The following DENND11 variants were observed in gnomAD, a reference collection of about 807,000 sequenced individuals.
DENND11 encodes the protein DENN domain-containing protein 11.
Under a neutral mutation model 49.2 loss-of-function variants are expected in DENND11, and 34 were observed. That is an observed-to-expected ratio of 0.69 (90% CI 0.53 to 0.92). The LOEUF (loss-of-function observed/expected upper bound fraction) is 0.92, where lower values mean the gene tolerates loss of function less well. Ranked by LOEUF, DENND11 falls within the 40% of genes least tolerant of loss-of-function variation. The pLI, the probability that DENND11 is intolerant of heterozygous loss-of-function variation, is 0.00. For synonymous variants in DENND11, 238 were observed against 230.3 expected (o/e 1.03, Z -0.30); for missense variants, 475 against 581.6 (o/e 0.82, Z 1.88).
chr7:141,677,201 G>A (rs947676858), intron 3 of DENND11, among the ~76,000 whole-genome samples: 1 of 151,836 alleles, frequency 6.6e-6, no homozygotes, highest in African/African-American at 2.4e-5. Flanking sequence ...TGAGGTGGGC[G>A]GATCGCTTGG....
rs902719382 is a variant in DENND11 at position 141,695,292 on chromosome 7, C to T, written c.268+6594G>A. The stretch of plus-strand genomic sequence containing the variant: ...GAAAGACATACAGGTTTTCACTGCA[C>T]TATTCTTTCAACTTTTCAAAACATT... On this transcript the variant is annotated intron_variant, in intron 1 of 8. Transcript: ENST00000536163. 5.4e-4 allele frequency among the ~76,000 whole-genome samples: 82 copies of T among 152,120 alleles called. 1 individual carries two copies. The highest frequency in any genetic ancestry group is 2.0e-3 in the African/African-American group (82 of 41,414).
In DENND11 at chr7:141,658,375, TCTCCCCCTAC is replaced by T. The variant is rs1324101062; in HGVS notation, c.*4271_*4280del. ...AGTAAACGGAGCCCTTAACTCCTCC[TCTCCCCCTAC>T]CTGAATCACAAAAGGGTTTTCCTGA... On this transcript the variant is annotated 3_prime_UTR_variant, in exon 9 of 9. Coordinates refer to ENST00000536163, the MANE Select transcript of DENND11 (RefSeq NM_001080392.2). 2 of 152,168 alleles carry T rather than the reference TCTCCCCCTAC, an allele frequency of 1.3e-5. No individual in the cohort carries two copies. Among genetic ancestry groups the T allele is most frequent in the Non-Finnish European group, 2.9e-5 (2 of 68,044 alleles). 9.4% of individuals were successfully genotyped at this position (152,168 alleles called of 1,614,324 possible).
In DENND11 at chr7:141,686,676, T is replaced by C. The variant is rs765466571; in HGVS notation, c.269-18A>G. On this transcript the variant is annotated intron_variant, in intron 1 of 8. Coordinates refer to ENST00000536163, the MANE Select transcript of DENND11 (RefSeq NM_001080392.2). Reference sequence around the variant, plus strand: ...CATGTTTCCTGCAGGAAAAGGAAGATGCAAGTTAAAAGAAACAACATCATT... The same window carrying C: ...CATGTTTCCTGCAGGAAAAGGAAGACGCAAGTTAAAAGAAACAACATCATT... The C allele has an allele frequency of 6.4e-6, 10 of 1,569,924 alleles. No homozygotes were observed. Among genetic ancestry groups the C allele is most frequent in the African/African-American group, 1.3e-5 (1 of 74,152 alleles).
chr7:141,666,976 G>A (rs1166900014), intron 4 of DENND11, among the ~76,000 whole-genome samples: 1 of 152,178 alleles, frequency 6.6e-6, no homozygotes, highest in Admixed American at 6.5e-5. Context: ...CCAGGTTGGA[G>A]TGCTGTGGCG....
chr7:141,667,200 C>T (rs772352267), intron 4 of DENND11, among the ~76,000 whole-genome samples: 15 of 152,126 alleles, frequency 9.9e-5, no homozygotes, highest in Non-Finnish European at 1.8e-4. Flanking sequence ...GGATTACAGG[C>T]GTGAGCCACC....
rs1797894203 is a variant in DENND11, at chr7:141,666,398, G to A, written c.709C>T (p.Gln237Ter). 6.2e-7 allele frequency: 1 copy of A among 1,608,594 alleles called. No homozygotes were observed. The highest frequency in any genetic ancestry group is 8.5e-7 in the Non-Finnish European group (1 of 1,175,776). ...KITHPAGCMS[Q>*]FIKFFGEQIL... ...TGTTCTCCAAAGAACTTTATAAACT[G>A]AGACATGCAGCCAGCTGGGTGTGTG... The change falls in exon 5 of 9, where the codon CAG becomes TAG. Residue 237 changes from glutamine (Q) to a stop codon, truncating the protein, a stop_gained. Transcript: ENST00000536163. LOFTEE classifies it high-confidence loss of function.
At chr7:141,695,217 G>A (rs1563005831) in intron 1 of DENND11, among the ~76,000 whole-genome samples, 1 of 152,064 alleles carries the variant, frequency 6.6e-6, no homozygotes, top group East Asian at 1.9e-4. Context: ...ATATGACTAT[G>A]TAAGAATAAA....
chr7:141,693,568 T>C (rs1798361222), intron 1 of DENND11, among the ~76,000 whole-genome samples: 1 of 152,120 alleles, frequency 6.6e-6, no homozygotes, highest in South Asian at 2.1e-4. Flanking sequence ...TTATTCACAA[T>C]GGCCCAAAAC....
At chr7:141,689,905 C>T (rs998731435) in intron 1 of DENND11, among the ~76,000 whole-genome samples, 3 of 152,230 alleles carry the variant, frequency 2.0e-5, no homozygotes, top group African/African-American at 7.2e-5. Context: ...ACCTGCTTAA[C>T]TGGTGATGCA....
chr7:141,701,746 C>T (rs752233722), intron 1 of DENND11, 140 bp downstream of exon 1: 3 of 701,318 alleles, frequency 4.3e-6, no homozygotes, highest in Non-Finnish European at 3.7e-6. Flanking sequence ...TTCCCCAAGC[C>T]CGGGAGCCCG....
At chr7:141,676,757 C>T (rs1798065041) in intron 3 of DENND11, among the ~76,000 whole-genome samples, 1 of 152,160 alleles carries the variant, frequency 6.6e-6, no homozygotes, top group South Asian at 2.1e-4. Context: ...AGTTAGTCTT[C>T]AAAGATGATG....
chr7:141,663,169 C>G (rs1015259711), intron 8 of DENND11: 1 of 249,630 alleles, frequency 4.0e-6, no homozygotes, highest in Non-Finnish European at 7.6e-6. Flanking sequence ...CCAAACACTG[C>G]TTTTCTCTCT....
At position 141,656,945 on chromosome 7, in the gene DENND11, G is replaced by C. The variant is rs550316646; in HGVS notation, c.*5711C>G. The C allele has an allele frequency of 6.5e-6, 1 of 152,964 alleles. No individual in the cohort carries two copies. The highest frequency in any genetic ancestry group is 1.9e-4 in the East Asian group (1 of 5,184). 9.5% of individuals were successfully genotyped at this position (152,964 alleles called of 1,614,324 possible). ...CTTAAAATTACCACCACTGGAAACA[G>C]AGAGAGAGCACGGCATACCTGGGCA... On this transcript the variant is annotated 3_prime_UTR_variant, in exon 9 of 9. Coordinates refer to ENST00000536163, the MANE Select transcript of DENND11 (RefSeq NM_001080392.2).
chr7:141,700,365 C>G (rs1798488611), intron 1 of DENND11, among the ~76,000 whole-genome samples: 1 of 151,024 alleles, frequency 6.6e-6, no homozygotes, highest in Non-Finnish European at 1.5e-5. Flanking sequence ...TTTCAAACTA[C>G]TGGTATCTAG....
Position 141,662,030 on chromosome 7 carries a change from T to G in DENND11, c.*626A>C, listed in dbSNP as rs1797803917. 1 of 152,224 alleles carries G rather than the reference T, an allele frequency of 6.6e-6. No homozygotes were observed. The highest frequency in any genetic ancestry group is 2.4e-5 in the African/African-American group (1 of 41,462). 9.4% of individuals were successfully genotyped at this position (152,224 alleles called of 1,614,324 possible). On this transcript the variant is annotated 3_prime_UTR_variant, in exon 9 of 9. Transcript: ENST00000536163. ...AGGCTTCATTCTATAATTTTAGTTT[T>G]CAGCTCACTGATAAGCAACCTCTTT...
chr7:141,688,803 G>GAA (rs1798283161), intron 1 of DENND11, among the ~76,000 whole-genome samples: 1 of 152,170 alleles, frequency 6.6e-6, no homozygotes, highest in African/African-American at 2.4e-5. Flanking sequence ...TCCCTGCCCT[G>GAA]CCACAGGGTG....
In DENND11 at chr7:141,659,356, T is replaced by C. The variant is rs1474318231; in HGVS notation, c.*3300A>G. On this transcript the variant is annotated 3_prime_UTR_variant, in exon 9 of 9. Transcript: ENST00000536163. The stretch of plus-strand genomic sequence containing the variant: ...GTTCGTGTTTAAAGGCCAAGCAAAT[T>C]CTAAACACATAATTTGGGCCATACT... 6 of 152,184 alleles carry C rather than the reference T, an allele frequency of 3.9e-5. No homozygotes were observed. The highest frequency in any genetic ancestry group is 8.8e-5 in the Non-Finnish European group (6 of 68,058). 9.4% of individuals were successfully genotyped at this position (152,184 alleles called of 1,614,324 possible).
chr7:141,685,393 G>A (rs942625310), intron 3 of DENND11, 85 bp downstream of exon 3: 23 of 1,493,822 alleles, frequency 1.5e-5, no homozygotes, highest in South Asian at 7.2e-5. Flanking sequence ...GCTCTGGCAC[G>A]CAAATGCTGT....
intron 1 of DENND11, among the ~76,000 whole-genome samples, chr7:141,695,781 CCAT>C (rs1397012197): frequency 6.6e-6 from 1 of 152,214 alleles, no homozygotes; most frequent in African/African-American, 2.4e-5. Context: ...TGCTCTCTTT[CCAT>C]CTCTGTGTCC....
Sources: allele counts gnomAD v4.1 joint callset (sites outside exome capture counted in the v4.1 genomes callset), GRCh38; gene constraint gnomAD v4.1.1; transcripts MANE v1.5; gene names NCBI Gene and HGNC (gene_info 2026-07-23, HGNC 2026-07-21).